The following AJAP1 variants were observed in gnomAD, a reference collection of about 807,000 sequenced individuals.
AJAP1 encodes adherens junction-associated protein 1.
In AJAP1, 5 loss-of-function variants were observed where a neutral mutation model predicts 35.0. The observed-to-expected ratio is 0.14, with a 90% CI of 0.07 to 0.30. The LOEUF (loss-of-function observed/expected upper bound fraction) is 0.30. AJAP1 is among the 10% of genes least tolerant of loss of function. AJAP1 has a pLI of 1.00. For synonymous variants in AJAP1, 284 were observed against 249.3 expected, an observed-to-expected ratio of 1.14 and a Z score of -1.31; for missense variants, 586 against 571.0, an observed-to-expected ratio of 1.03 and a Z score of -0.27.
At chr1:4,686,350 C>T (rs1311510469) in intron 1 of AJAP1, among the ~76,000 whole-genome samples, 1 of 152,158 alleles carries the variant, frequency 6.6e-6, no homozygotes. Context: ...CAAGTTCCTA[C>T]CCTTGATTGC....
chr1:4,697,582 A>T (rs115861203), intron 1 of AJAP1, among the ~76,000 whole-genome samples: 5,693 of 152,290 alleles, frequency 0.037, 346 homozygotes, highest in African/African-American at 0.13. Context: ...TGCAGTTTCA[A>T]GGTGGGCACG....
At chr1:4,666,931 T>G in intron 1 of AJAP1, among the ~76,000 whole-genome samples, 1 of 127,294 alleles carries the variant, frequency 7.9e-6, no homozygotes, top group Admixed American at 8.0e-5. Context: ...ACGAGAGGGG[T>G]GCGGAGAGGG....
chr1:4,673,899 A>G (rs1305895561), intron 1 of AJAP1, among the ~76,000 whole-genome samples: 2 of 152,102 alleles, frequency 1.3e-5, no homozygotes, highest in Non-Finnish European at 2.9e-5. Flanking sequence ...CGTGAAATGA[A>G]TTGAACCTCA....
intron 5 of AJAP1, among the ~76,000 whole-genome samples, chr1:4,775,980 G>T (rs1191807116): frequency 6.6e-6 from 1 of 152,232 alleles, no homozygotes; most frequent in East Asian, 1.9e-4. Context: ...CCTCTGTAGG[G>T]ACTGGGTCCT....
At chr1:4,748,357 G>T (rs759869336) in intron 2 of AJAP1, among the ~76,000 whole-genome samples, 1 of 152,188 alleles carries the variant, frequency 6.6e-6, no homozygotes, top group Non-Finnish European at 1.5e-5. Flanking sequence ...GAGCTGAGTT[G>T]TTGTGTGTGT....
At chr1:4,763,275 C>A (rs1641612550) in intron 2 of AJAP1, among the ~76,000 whole-genome samples, 1 of 152,204 alleles carries the variant, frequency 6.6e-6, no homozygotes, top group South Asian at 2.1e-4. Flanking sequence ...CCCTTTGGGG[C>A]AATTCCCTGG....
chr1:4,707,700 T>C (rs1640129420), intron 1 of AJAP1, among the ~76,000 whole-genome samples: 3 of 152,112 alleles, frequency 2.0e-5, no homozygotes, highest in African/African-American at 7.2e-5. Flanking sequence ...TTGACTGTTG[T>C]GAGTTGTGAG....
intron 2 of AJAP1, among the ~76,000 whole-genome samples, chr1:4,715,701 A>G (rs974292194): frequency 2.6e-5 from 4 of 152,130 alleles, no homozygotes; most frequent in Non-Finnish European, 4.4e-5. Flanking sequence ...AAAAAGAAAT[A>G]TTTTTCCTAA....
At chr1:4,778,571 A>ATCTCTCTCTCTCTCTCTCTC (rs141390632) in intron 5 of AJAP1, among the ~76,000 whole-genome samples, 49 of 142,894 alleles carry the variant, frequency 3.4e-4, no homozygotes, top group African/African-American at 1.2e-3. Flanking sequence ...GATTGGCGCC[A>ATCTCTCTCTCTCTCTCTCTC]TCTCTCTCTC....
intron 1 of AJAP1, among the ~76,000 whole-genome samples, chr1:4,684,227 G>A (rs111673613): frequency 6.6e-5 from 10 of 152,226 alleles, no homozygotes; most frequent in Admixed American, 2.0e-4. Flanking sequence ...GGGGGCAGCT[G>A]TTAACACGCT....
intron 1 of AJAP1, among the ~76,000 whole-genome samples, chr1:4,704,388 A>G (rs963616195): frequency 7.3e-6 from 1 of 137,486 alleles, no homozygotes; most frequent in Non-Finnish European, 1.5e-5. Flanking sequence ...ATTCCCACCT[A>G]TGAGTGAGAA....
At chr1:4,748,245 C>T (rs771046591) in intron 2 of AJAP1, among the ~76,000 whole-genome samples, 19 of 152,118 alleles carry the variant, frequency 1.2e-4, no homozygotes, top group Non-Finnish European at 2.6e-4. Flanking sequence ...GCCTCTGTCC[C>T]ATCTCAGCGC....
intron 1 of AJAP1, among the ~76,000 whole-genome samples, chr1:4,701,313 A>G (rs893099054): frequency 6.6e-6 from 1 of 152,220 alleles, no homozygotes; most frequent in African/African-American, 2.4e-5. Context: ...ACAGGTGGGA[A>G]AACTGAAGCA....
In AJAP1 at chr1:4,700,775, C is replaced by T. The variant is rs549626087; in HGVS notation, c.30-11125C>T. Among the ~76,000 whole-genome samples the T allele has an allele frequency of 1.4e-4, 22 of 152,324 alleles. 1 individual carries two copies. Among genetic ancestry groups the T allele is most frequent in the African/African-American group, 4.8e-4 (20 of 41,574 alleles). ...CCAGCAGCCGAGGCTGCACTGCTCA[C>T]ATCCTGAGTGCTGCCCAGAGAGCAC... On this transcript the variant is annotated intron_variant, in intron 1 of 5. Transcript: ENST00000378191.
intron 2 of AJAP1, among the ~76,000 whole-genome samples, chr1:4,738,007 A>G (rs868430779): frequency 2.8e-4 from 43 of 152,372 alleles, no homozygotes; most frequent in Admixed American, 4.6e-4. Flanking sequence ...AGAGCTGGTT[A>G]AACTCCAAAG....
chr1:4,704,657 T>G (rs1194570283), intron 1 of AJAP1, among the ~76,000 whole-genome samples: 1 of 152,168 alleles, frequency 6.6e-6, no homozygotes, highest in Non-Finnish European at 1.5e-5. Context: ...TTTATAGTCC[T>G]TTGGGTATAT....
intron 1 of AJAP1, among the ~76,000 whole-genome samples, chr1:4,704,867 T>C (rs1640066198): frequency 6.6e-6 from 1 of 152,240 alleles, no homozygotes; most frequent in Admixed American, 6.5e-5. Flanking sequence ...TGTGAGATGG[T>C]ATCTCATTGT....
intron 1 of AJAP1, among the ~76,000 whole-genome samples, chr1:4,659,764 G>C (rs547124112): frequency 6.6e-6 from 1 of 152,318 alleles, no homozygotes; most frequent in African/African-American, 2.4e-5. Flanking sequence ...GTGGGACTCA[G>C]ACTGTGGACC....
chr1:4,736,326 G>A (rs964372492), intron 2 of AJAP1, among the ~76,000 whole-genome samples: 4 of 152,168 alleles, frequency 2.6e-5, no homozygotes, highest in African/African-American at 4.8e-5. Context: ...GGCTGTGACC[G>A]CCTTCTCCCT....
Sources: allele counts gnomAD v4.1 joint callset (sites outside exome capture counted in the v4.1 genomes callset), GRCh38; gene constraint gnomAD v4.1.1; transcripts MANE v1.5; gene names NCBI Gene and HGNC (gene_info 2026-07-23, HGNC 2026-07-21).